The following MRTFA variants were observed in gnomAD, a reference collection of about 807,000 sequenced individuals.
The protein encoded by MRTFA is myocardin-related transcription factor A.
In MRTFA, 20 loss-of-function variants were observed where a neutral mutation model predicts 83.5. The observed-to-expected ratio is 0.24, with a 90% CI of 0.17 to 0.35. The LOEUF (loss-of-function observed/expected upper bound fraction) is 0.35. Among genes scored for constraint, MRTFA ranks in the 10% least tolerant of loss-of-function variants. The probability of loss-of-function intolerance (pLI) is 1.00; values close to 1 mark genes in which losing one functional copy is unlikely to be tolerated. For synonymous variants in MRTFA, 659 were observed against 541.2 expected (o/e 1.22, Z -3.02); for missense variants, 1,200 against 1,224.7 (o/e 0.98, Z 0.30).
At chr22:40,562,207 A>T (rs2055629582) in intron 2 of MRTFA, among the ~76,000 whole-genome samples, 1 of 133,152 alleles carries the variant, frequency 7.5e-6, no homozygotes, top group Admixed American at 7.6e-5. Flanking sequence ...ATAGAGCGAG[A>T]CTCCATCTCA....
At chr22:40,441,170 T>C (rs559427946) in intron 4 of MRTFA, among the ~76,000 whole-genome samples, 2 of 152,362 alleles carry the variant, frequency 1.3e-5, no homozygotes, top group East Asian at 3.9e-4. Context: ...CCCCAGGAGC[T>C]GGTTCCATTG....
chr22:40,529,230 G>A (rs529883097), intron 3 of MRTFA, among the ~76,000 whole-genome samples: 1 of 152,320 alleles, frequency 6.6e-6, no homozygotes, highest in East Asian at 1.9e-4. Flanking sequence ...AAACTGTAAT[G>A]ATTAGGGAAA....
At chr22:40,421,809 C>T (rs1034330841) in intron 9 of MRTFA, among the ~76,000 whole-genome samples, 1 of 152,050 alleles carries the variant, frequency 6.6e-6, no homozygotes, top group Non-Finnish European at 1.5e-5. Flanking sequence ...AGAGAGACCA[C>T]GGAGAGCCGA....
At chr22:40,571,064 C>G (rs1442515910) in intron 2 of MRTFA, among the ~76,000 whole-genome samples, 1 of 125,132 alleles carries the variant, frequency 8.0e-6, no homozygotes, top group Non-Finnish European at 1.7e-5. Flanking sequence ...AAAAAATTAG[C>G]TGGGCATGGT....
chr22:40,447,455 A>G lies in MRTFA; in HGVS notation c.308-11901T>C, dbSNP rs368753267. Among the ~76,000 whole-genome samples the G allele has an allele frequency of 3.3e-5, 5 of 152,132 alleles. No homozygotes were observed. The South Asian group carries it at 1.0e-3, about 32-fold the overall frequency. ...GGAGACAGCCCTCCAAGCAGAGAAC[A>G]GCATGTGGAAAGGCTCTCAGTGGGA... is the stretch of plus-strand genomic sequence containing the variant. On this transcript the variant is annotated intron_variant, in intron 4 of 14. Coordinates refer to ENST00000355630, the MANE Select transcript of MRTFA (RefSeq NM_020831.6).
intron 3 of MRTFA, among the ~76,000 whole-genome samples, chr22:40,544,707 G>A (rs1342267817): frequency 6.6e-6 from 1 of 152,094 alleles, no homozygotes; most frequent in African/African-American, 2.4e-5. Flanking sequence ...GACTTAACTT[G>A]CCACTTCACA....
chr22:40,417,511 G>A lies in MRTFA; in HGVS notation c.2365-18C>T. 5 of 1,324,456 alleles carry A rather than the reference G, an allele frequency of 3.8e-6. No homozygotes were observed. The highest frequency in any genetic ancestry group is 5.0e-6 in the Non-Finnish European group (5 of 1,003,814). 82.0% of individuals were successfully genotyped at this position (1,324,456 alleles called of 1,614,324 possible). A position where few individuals can be genotyped will look rare whatever the true frequency, so the allele number is the denominator to read the frequency against. ...GACGAGGGCTGGACAGGAGAGCAGGGAGAGGACCAGTGGCCAGGGGGCTGG... is the reference window on the plus strand; with the variant it reads ...GACGAGGGCTGGACAGGAGAGCAGGAAGAGGACCAGTGGCCAGGGGGCTGG... On this transcript the variant is annotated intron_variant, in intron 12 of 14. Coordinates refer to ENST00000355630, the MANE Select transcript of MRTFA (RefSeq NM_020831.6).
intron 2 of MRTFA, among the ~76,000 whole-genome samples, chr22:40,557,856 C>T (rs964789345): frequency 7.9e-5 from 12 of 152,186 alleles, no homozygotes; most frequent in Non-Finnish European, 1.2e-4. Context: ...TCAGTGCAAC[C>T]TCCACCTCCC....
chr22:40,579,315 C>T (rs991992139), intron 2 of MRTFA, among the ~76,000 whole-genome samples: 2 of 152,076 alleles, frequency 1.3e-5, no homozygotes, highest in African/African-American at 4.8e-5. Context: ...TTCCAAAAAC[C>T]CTGTCTCCAA....
intron 4 of MRTFA, among the ~76,000 whole-genome samples, chr22:40,436,013 G>A (rs2053163307): frequency 6.6e-6 from 1 of 151,820 alleles, no homozygotes; most frequent in African/African-American, 2.4e-5. Context: ...TGACACCTGA[G>A]TAAGCATGTA....
intron 1 of MRTFA, among the ~76,000 whole-genome samples, chr22:40,617,855 C>CATTT (rs2056472613): frequency 6.6e-6 from 1 of 152,102 alleles, no homozygotes; most frequent in Non-Finnish European, 1.5e-5. Flanking sequence ...TTCATTCATT[C>CATTT]ATTTATTCAA....
chr22:40,561,856 G>A (rs1311150148), intron 2 of MRTFA, among the ~76,000 whole-genome samples: 2 of 152,148 alleles, frequency 1.3e-5, no homozygotes, highest in African/African-American at 4.8e-5. Flanking sequence ...AACAGTGAAA[G>A]TGATGGTATG....
intron 3 of MRTFA, among the ~76,000 whole-genome samples, chr22:40,499,208 C>T (rs2054413211): frequency 6.6e-6 from 1 of 152,194 alleles, no homozygotes; most frequent in Non-Finnish European, 1.5e-5. Flanking sequence ...ATTTCTCAAA[C>T]TGTTAACATC....
intron 4 of MRTFA, among the ~76,000 whole-genome samples, chr22:40,448,991 C>A (rs1026853268): frequency 1.3e-5 from 2 of 152,110 alleles, no homozygotes; most frequent in Admixed American, 6.5e-5. Context: ...CTCAGCCGGG[C>A]GCAGTGGCTC....
intron 3 of MRTFA, among the ~76,000 whole-genome samples, chr22:40,475,932 C>G (rs1239280125): frequency 2.6e-5 from 4 of 152,112 alleles, no homozygotes; most frequent in South Asian, 2.1e-4. Context: ...ATCACGAGGT[C>G]AGGAGATTGA....
At chr22:40,440,051 C>G (rs2053244854) in intron 4 of MRTFA, 1 of 151,540 alleles carries the variant, frequency 6.6e-6, no homozygotes, top group African/African-American at 2.4e-5. Flanking sequence ...ACTCGGGAGG[C>G]TGAGGCACAA....
intron 6 of MRTFA, among the ~76,000 whole-genome samples, chr22:40,430,670 C>T (rs933561112): frequency 1.3e-5 from 2 of 151,814 alleles, no homozygotes; most frequent in African/African-American, 4.8e-5. Context: ...ACCAGCCTGG[C>T]CAACATGGTG....
At position 40,459,032 on chromosome 22, in the gene MRTFA, G is replaced by A. The variant is rs185143803; in HGVS notation, c.307+4189C>T. 2.0e-4 allele frequency among the ~76,000 whole-genome samples: 30 copies of A among 150,328 alleles called. No individual in the cohort carries two copies. The East Asian group carries it at 3.1e-3, about 16-fold the overall frequency. ...AGAGGCTGCAGTGAGCTGAGATCGC[G>A]CCACTGCACTCCAGCCTCGGCGACA... On this transcript the variant is annotated intron_variant, in intron 4 of 14. Coordinates refer to ENST00000355630, the MANE Select transcript of MRTFA (RefSeq NM_020831.6).
intron 2 of MRTFA, among the ~76,000 whole-genome samples, chr22:40,556,273 A>C (rs1232911286): frequency 2.0e-5 from 3 of 152,192 alleles, no homozygotes; most frequent in Non-Finnish European, 2.9e-5. Flanking sequence ...GAAACCAACA[A>C]AATATTGAAC....
Sources: allele counts gnomAD v4.1 joint callset (sites outside exome capture counted in the v4.1 genomes callset), GRCh38; gene constraint gnomAD v4.1.1; transcripts MANE v1.5; gene names NCBI Gene and HGNC (gene_info 2026-07-23, HGNC 2026-07-21).